ADAM23: variants seen among roughly 807,000 people sequenced by gnomAD.
ADAM23 encodes disintegrin and metalloproteinase domain-containing protein 23.
ADAM23 carries 33 observed loss-of-function variants against 120.1 expected under a neutral mutation model. That is an observed-to-expected ratio of 0.27 (90% CI 0.21 to 0.37). The LOEUF (loss-of-function observed/expected upper bound fraction) is 0.37. ADAM23 is among the 10% of genes least tolerant of loss of function. The probability of loss-of-function intolerance (pLI) is 1.00; values close to 1 mark genes in which losing one functional copy is unlikely to be tolerated. For missense variants in ADAM23, 862 were observed against 1,058.2 expected, an observed-to-expected ratio of 0.81 and a Z score of 2.57; for synonymous variants, 367 against 375.2, an observed-to-expected ratio of 0.98 and a Z score of 0.25.
At chr2:206,503,654 C>T (rs1343458610) in intron 3 of ADAM23, among the ~76,000 whole-genome samples, 1 of 152,058 alleles carries the variant, frequency 6.6e-6, no homozygotes, top group Non-Finnish European at 1.5e-5. Context: ...GTATAATAGG[C>T]ATTTAACGGG....
At chr2:206,467,407 C>T (rs1395878148) in intron 2 of ADAM23, among the ~76,000 whole-genome samples, 1 of 152,342 alleles carries the variant, frequency 6.6e-6, no homozygotes, top group South Asian at 2.1e-4. Context: ...AAGAAAGGGG[C>T]TTATAGGCCC....
intron 10 of ADAM23, among the ~76,000 whole-genome samples, chr2:206,558,962 T>TGAGACA (rs1456173351): frequency 4.6e-5 from 7 of 152,264 alleles, no homozygotes; most frequent in Admixed American, 4.6e-4. Flanking sequence ...TGTTTTTCTT[T>TGAGACA]GAGACAGAGT....
At chr2:206,508,668 A>C (rs1296684018) in intron 3 of ADAM23, among the ~76,000 whole-genome samples, 3 of 151,046 alleles carry the variant, frequency 2.0e-5, no homozygotes, top group Admixed American at 6.6e-5. Context: ...AAAAAAAAAA[A>C]AAAAGAAAGA....
intron 3 of ADAM23, among the ~76,000 whole-genome samples, chr2:206,496,243 A>G (rs559385976): frequency 5.3e-5 from 8 of 152,312 alleles, no homozygotes; most frequent in African/African-American, 1.9e-4. Context: ...TTGACCACAT[A>G]GTTGGAAGTA....
Position 206,485,581 on chromosome 2 carries a change from G to T in ADAM23, c.509+4273G>T, listed in dbSNP as rs538480137. ...CCTGACAGGAGTTCCTGAGAGGAGA[G>T]CCTGGTTTGCATCTGGCTTGTGGAG... On this transcript the variant is annotated intron_variant, in intron 3 of 25. Coordinates refer to ENST00000264377, the MANE Select transcript of ADAM23 (RefSeq NM_003812.4). Among the ~76,000 whole-genome samples, 569 of 152,320 alleles carry T rather than the reference G, an allele frequency of 3.7e-3. 3 individuals carry two copies. The highest frequency in any genetic ancestry group is 0.013 in the African/African-American group (545 of 41,566).
At position 206,570,857 on chromosome 2, in the gene ADAM23, G is replaced by T. The variant is rs766685727; in HGVS notation, c.1566+46G>T. ...ATACTTACAGCACAGATCTTACTTG[G>T]TGCAAACAGGTATAGCATTTGTGAG... On this transcript the variant is annotated intron_variant, in intron 16 of 25. Coordinates refer to ENST00000264377, the MANE Select transcript of ADAM23 (RefSeq NM_003812.4). The T allele has an allele frequency of 2.6e-6, 4 of 1,523,518 alleles. No homozygotes were observed. The African/African-American group carries it at 4.1e-5, about 16-fold the overall frequency. The allele number at this position is 1,523,518 out of a possible 1,614,324, so 94.4% of individuals were successfully genotyped here. A position where few individuals can be genotyped will look rare whatever the true frequency, so the allele number is the denominator to read the frequency against.
intron 3 of ADAM23, among the ~76,000 whole-genome samples, chr2:206,510,620 A>G (rs968830988): frequency 2.0e-5 from 3 of 152,214 alleles, no homozygotes; most frequent in African/African-American, 7.2e-5. Context: ...ATTAAAAAGC[A>G]GATTGTCTGA....
At chr2:206,536,079 A>G (rs983963775) in intron 4 of ADAM23, among the ~76,000 whole-genome samples, 4 of 152,240 alleles carry the variant, frequency 2.6e-5, no homozygotes, top group Admixed American at 6.5e-5. Flanking sequence ...GTCTTGTCAC[A>G]TATGCTCATG....
At chr2:206,444,121 G>A in intron 1 of ADAM23, 41 bp downstream of exon 1, 1 of 1,245,818 alleles carries the variant, frequency 8.0e-7, no homozygotes. Context: ...CTTTCCCGCG[G>A]GGCCCTGCAG....
intron 25 of ADAM23, among the ~76,000 whole-genome samples, chr2:206,615,750 C>T (rs1698923703): frequency 6.6e-6 from 1 of 152,284 alleles, no homozygotes; most frequent in Non-Finnish European, 1.5e-5. Flanking sequence ...AATATTTCTG[C>T]AAAAAGGTGC....
chr2:206,475,343 A>C (rs1695754732), intron 2 of ADAM23, among the ~76,000 whole-genome samples: 1 of 152,154 alleles, frequency 6.6e-6, no homozygotes, highest in Non-Finnish European at 1.5e-5. Flanking sequence ...CAAAACTTTT[A>C]AGATATATTT....
At chr2:206,592,583 G>A (rs371251477) in intron 21 of ADAM23, 34 bp from the exon 22 acceptor site, 2 of 1,605,900 alleles carry the variant, frequency 1.2e-6, no homozygotes, top group Non-Finnish European at 1.7e-6. Flanking sequence ...GATTCCTCCT[G>A]TCTGGTCTGT....
At chr2:206,531,629 CGTCA>C (rs567741825) in intron 4 of ADAM23, among the ~76,000 whole-genome samples, 1 of 152,132 alleles carries the variant, frequency 6.6e-6, no homozygotes, top group African/African-American at 2.4e-5. Flanking sequence ...CAGTGACCTC[CGTCA>C]GTCAGGGTGA....
At chr2:206,445,984 G>C (rs1310041122) in intron 2 of ADAM23, among the ~76,000 whole-genome samples, 1 of 152,096 alleles carries the variant, frequency 6.6e-6, no homozygotes, top group African/African-American at 2.4e-5. Context: ...GAAATTGAGT[G>C]TTTAAACAGT....
At chr2:206,513,466 CAG>C (rs1373307566) in intron 3 of ADAM23, among the ~76,000 whole-genome samples, 2 of 152,014 alleles carry the variant, frequency 1.3e-5, no homozygotes, top group Non-Finnish European at 1.5e-5. Context: ...TTTATGAAGA[CAG>C]AGAGAGATGA....
chr2:206,510,245 CAAATG>C (rs979295333), intron 3 of ADAM23, among the ~76,000 whole-genome samples: 41 of 152,124 alleles, frequency 2.7e-4, no homozygotes, highest in African/African-American at 8.2e-4. Flanking sequence ...AAAAGAAAAA[CAAATG>C]AAATGAAAGG....
chr2:206,502,872 T>C (rs1222819077), intron 3 of ADAM23, among the ~76,000 whole-genome samples: 1 of 152,196 alleles, frequency 6.6e-6, no homozygotes, highest in Non-Finnish European at 1.5e-5. Flanking sequence ...GTGTACATTT[T>C]TATATCTAAC....
chr2:206,607,871 T>G, intron 24 of ADAM23: 1 of 358,386 alleles, frequency 2.8e-6, no homozygotes, highest in Admixed American at 4.1e-5. Flanking sequence ...TCACTAAGAA[T>G]TCCATGGACA....
chr2:206,559,649 C>T (rs1697718103), intron 10 of ADAM23, among the ~76,000 whole-genome samples: 1 of 152,148 alleles, frequency 6.6e-6, no homozygotes, highest in South Asian at 2.1e-4. Flanking sequence ...GGTGATTTTA[C>T]TGAACGATGT....
Sources: gnomAD v4.1 joint callset for allele counts (sites outside exome capture counted in the v4.1 genomes callset) on GRCh38, gnomAD v4.1.1 for gene constraint, MANE v1.5 for transcripts, NCBI Gene and HGNC (gene_info 2026-07-23, HGNC 2026-07-21) for gene names.